NEBL: variants seen among roughly 807,000 people sequenced by gnomAD.
NEBL encodes the protein nebulette, also known as LIM and SH3 protein 2.
In NEBL, 122 loss-of-function variants were observed where a neutral mutation model predicts 140.2. The ratio of observed to expected loss-of-function variants is 0.87; its 90% CI spans 0.75 to 1.01. The LOEUF (loss-of-function observed/expected upper bound fraction) is 1.01. NEBL is among the 50% of genes least tolerant of loss of function. NEBL has a pLI of 0.00. For missense variants in NEBL, 1,365 were observed against 1,231.3 expected, an observed-to-expected ratio of 1.11 and a Z score of -1.62; for synonymous variants, 436 against 398.9, an observed-to-expected ratio of 1.09 and a Z score of -1.11.
chr10:21,168,324 T>C (rs1271536595), intron 2 of NEBL, among the ~76,000 whole-genome samples: 1 of 152,222 alleles, frequency 6.6e-6, no homozygotes. Flanking sequence ...TTCTTAATAT[T>C]TATTTTAAAG....
At chr10:21,029,151 T>C (rs920661969) in intron 2 of NEBL, 2 of 1,327,268 alleles carry the variant, frequency 1.5e-6, no homozygotes, top group Non-Finnish European at 2.2e-6. Context: ...AAGGAGATGT[T>C]TCAACGATTT....
intron 2 of NEBL, among the ~76,000 whole-genome samples, chr10:21,058,700 C>A (rs1199879941): frequency 6.6e-6 from 1 of 152,128 alleles, no homozygotes; most frequent in East Asian, 1.9e-4. Context: ...ATCAGAGTTG[C>A]ATGTAAAGGT....
At position 20,783,039 on chromosome 10, in the gene NEBL, T is replaced by C. The variant is rs1835129967; in HGVS notation, c.*2708A>G. 6.6e-6 allele frequency: 1 copy of C among 152,642 alleles called. No individual in the cohort carries two copies. The highest frequency in any genetic ancestry group is 6.6e-5 in the Admixed American group (1 of 15,260). 9.5% of individuals were successfully genotyped at this position (152,642 alleles called of 1,614,324 possible). A position where few individuals can be genotyped will look rare whatever the true frequency, so the allele number is the denominator to read the frequency against. Reference sequence around the variant, plus strand: ...AAGTCAGGTGCATGCTCTCTGTGCTTGGACATTTACACAGTCATCTTTAAC... The same window carrying C: ...AAGTCAGGTGCATGCTCTCTGTGCTCGGACATTTACACAGTCATCTTTAAC... On this transcript the variant is annotated 3_prime_UTR_variant, in exon 28 of 28. Transcript: ENST00000377122.
intron 27 of NEBL, among the ~76,000 whole-genome samples, chr10:20,786,186 T>C (rs1835390856): frequency 6.6e-6 from 1 of 152,096 alleles, no homozygotes. Context: ...TTTGAAATAA[T>C]AAAGCCAAGT....
chr10:20,839,432 C>T (rs1841199873), intron 13 of NEBL, among the ~76,000 whole-genome samples: 1 of 152,096 alleles, frequency 6.6e-6, no homozygotes, highest in Non-Finnish European at 1.5e-5. Context: ...GCATCCATTC[C>T]TCCTCCTTCT....
intron 3 of NEBL, among the ~76,000 whole-genome samples, chr10:20,972,097 A>C (rs1248819360): frequency 6.6e-6 from 1 of 152,256 alleles, no homozygotes; most frequent in Non-Finnish European, 1.5e-5. Flanking sequence ...TTCAGAAAAG[A>C]AAAGCTACAT....
upstream of NEBL, among the ~76,000 whole-genome samples, chr10:20,901,583 GA>G (rs200103716): frequency 0.016 from 2,490 of 152,064 alleles, 34 homozygotes; most frequent in Non-Finnish European, 0.025. Flanking sequence ...TGAGTGGGGG[GA>G]AAAAAGTACA....
intron 2 of NEBL, among the ~76,000 whole-genome samples, chr10:21,112,509 T>C (rs1838067019): frequency 6.6e-6 from 1 of 150,504 alleles, no homozygotes; most frequent in South Asian, 2.1e-4. Context: ...AAACACCACA[T>C]GTTCTCACTC....
At chr10:20,956,034 G>A (rs1835785686) in intron 4 of NEBL, among the ~76,000 whole-genome samples, 1 of 152,018 alleles carries the variant, frequency 6.6e-6, no homozygotes, top group Admixed American at 6.6e-5. Context: ...AGTAATTACT[G>A]GTCTGGGATG....
chr10:21,093,875 CA>C (rs1476137995), intron 2 of NEBL, among the ~76,000 whole-genome samples: 1 of 152,218 alleles, frequency 6.6e-6, no homozygotes, highest in East Asian at 1.9e-4. Flanking sequence ...ATCCATGAAT[CA>C]CACAAAGTTC....
upstream of NEBL, among the ~76,000 whole-genome samples, chr10:20,900,919 CGAGGCA>C (rs1344198722): frequency 6.7e-6 from 1 of 148,522 alleles, no homozygotes; most frequent in Non-Finnish European, 1.5e-5. Flanking sequence ...CTCAGGAGGC[CGAGGCA>C]GGAGAATCAC....
chr10:21,023,480 G>T (rs1023259360), intron 2 of NEBL, among the ~76,000 whole-genome samples: 2 of 152,090 alleles, frequency 1.3e-5, no homozygotes, highest in African/African-American at 4.8e-5. Context: ...GATCACTTGA[G>T]GTCAGGAGTT....
intron 4 of NEBL, among the ~76,000 whole-genome samples, chr10:20,952,904 C>CAAAAAAAAAAAAAAAAAAAAAAA (rs34713711): frequency 6.4e-5 from 4 of 62,322 alleles, no homozygotes; most frequent in South Asian, 7.4e-4. Context: ...GACCCTGTCT[C>CAAAAAAAAAAAAAAAAAAAAAAA]AAAAAAAAAA....
chr10:21,152,147 G>T (rs941135547), intron 2 of NEBL, among the ~76,000 whole-genome samples: 2 of 152,154 alleles, frequency 1.3e-5, no homozygotes, highest in African/African-American at 4.8e-5. Context: ...TCCAGGGCCT[G>T]CGAGGAATGC....
At chr10:20,795,132 T>C (rs1836383763) in intron 26 of NEBL, among the ~76,000 whole-genome samples, 1 of 151,984 alleles carries the variant, frequency 6.6e-6, no homozygotes, top group African/African-American at 2.4e-5. Flanking sequence ...AGTGTAAGAG[T>C]ACTATGGCAT....
At chr10:21,150,103 A>G (rs562698542) in intron 2 of NEBL, among the ~76,000 whole-genome samples, 72 of 152,358 alleles carry the variant, frequency 4.7e-4, no homozygotes, top group Admixed American at 1.6e-3. Context: ...AATCAGAGCA[A>G]CAATTATTTT....
intron 2 of NEBL, among the ~76,000 whole-genome samples, chr10:21,099,352 G>T (rs1016398631): frequency 6.6e-6 from 1 of 151,368 alleles, no homozygotes; most frequent in Admixed American, 6.6e-5. Context: ...CTCTCCTTTC[G>T]CGTCCTCCCC....
intron 2 of NEBL, among the ~76,000 whole-genome samples, chr10:21,086,122 G>A (rs1464221463): frequency 6.6e-6 from 1 of 152,122 alleles, no homozygotes; most frequent in African/African-American, 2.4e-5. Context: ...AAAGAGACTA[G>A]GCAATGCAGT....
At chr10:20,994,539 A>G (rs1463539823) in intron 3 of NEBL, among the ~76,000 whole-genome samples, 1 of 152,246 alleles carries the variant, frequency 6.6e-6, no homozygotes, top group Non-Finnish European at 1.5e-5. Context: ...GTAATATAAA[A>G]AGCCAACAGT....
Sources: gnomAD v4.1 joint callset for allele counts (sites outside exome capture counted in the v4.1 genomes callset) on GRCh38, gnomAD v4.1.1 for gene constraint, MANE v1.5 for transcripts, NCBI Gene and HGNC (gene_info 2026-07-23, HGNC 2026-07-21) for gene names.